Variants in GALNT9 observed in about 807,000 individuals in gnomAD.
GALNT9 encodes the protein GalNAc transferase 9.
GALNT9 carries 47 observed loss-of-function variants against 63.1 expected under a neutral mutation model. That is an observed-to-expected ratio of 0.75 (90% CI 0.59 to 0.95). The LOEUF (loss-of-function observed/expected upper bound fraction) is 0.95, where lower values mean the gene tolerates loss of function less well. Among genes scored for constraint, GALNT9 ranks in the 40% least tolerant of loss-of-function variants. The pLI is 0.00. For synonymous variants in GALNT9, 396 were observed against 365.7 expected (o/e 1.08, Z -0.94); for missense variants, 829 against 874.8 (o/e 0.95, Z 0.66).
At chr12:132,197,675 C>G in intron 10 of GALNT9, 117 bp downstream of exon 10, 1 of 781,720 alleles carries the variant, frequency 1.3e-6, no homozygotes, top group Non-Finnish European at 2.1e-6. Flanking sequence ...CCCCTGACCA[C>G]CCCCTGCCGC....
At chr12:132,202,119 G>C (rs918692602) in intron 7 of GALNT9, among the ~76,000 whole-genome samples, 1 of 152,226 alleles carries the variant, frequency 6.6e-6, no homozygotes, top group African/African-American at 2.4e-5. Context: ...AAGTGGGGAC[G>C]ATCACGCCAG....
intron 1 of GALNT9, among the ~76,000 whole-genome samples, chr12:132,302,269 G>C (rs370130930): frequency 4.6e-4 from 34 of 73,808 alleles, no homozygotes; most frequent in African/African-American, 1.1e-3. Context: ...CACACACACA[G>C]GATCACCTGG....
chr12:132,252,908 G>T lies in GALNT9; in HGVS notation c.959+4781C>A, dbSNP rs1555238711. Among the ~76,000 whole-genome samples, 8 of 151,860 alleles carry T rather than the reference G, an allele frequency of 5.3e-5. No individual in the cohort carries two copies. The highest frequency in any genetic ancestry group is 1.2e-4 in the Non-Finnish European group (8 of 67,962). On this transcript the variant is annotated intron_variant, in intron 5 of 10. Coordinates refer to ENST00000328957, the MANE Select transcript of GALNT9 (RefSeq NM_001122636.2). This position sits in a 1 kb window ranked among gnomAD's most constrained non-coding sequence, Gnocchi z 5.2. ...AAAAAAAAAAAAGACACGGAGACCA[G>T]TAGTGGCCCCGAACGGCTGGGTGCG... is the stretch of plus-strand genomic sequence containing the variant.
chr12:132,324,575 C>T (rs1593127317), intron 1 of GALNT9, among the ~76,000 whole-genome samples: 1 of 152,340 alleles, frequency 6.6e-6, no homozygotes, highest in South Asian at 2.1e-4. Flanking sequence ...TTTGGACTGG[C>T]TCCCCAAGTT....
In GALNT9 at chr12:132,316,224, G is replaced by A. The variant is rs1868502695; in HGVS notation, c.238+12742C>T. On this transcript the variant is annotated intron_variant, in intron 1 of 10. Coordinates refer to ENST00000328957, the MANE Select transcript of GALNT9 (RefSeq NM_001122636.2). This position sits in a 1 kb window ranked among gnomAD's most constrained non-coding sequence, Gnocchi z 4.3. ...AGCAGAGGCATGAAGCTGGATCACA[G>A]TCAGTGCCTGCCCCGGGCCCCGACC... is the stretch of plus-strand genomic sequence containing the variant. Among the ~76,000 whole-genome samples the A allele has an allele frequency of 6.6e-6, 1 of 152,034 alleles. No individual in the cohort carries two copies. Among genetic ancestry groups the A allele is most frequent in the Non-Finnish European group, 1.5e-5 (1 of 68,004 alleles).
Position 132,245,971 on chromosome 12 carries a change from C to G in GALNT9, c.1077+1939G>C, listed in dbSNP as rs1236349666. ...CGGTGGTGGCTGCGCACTGCCGGTC[C>G]CCGGCACCCTCCCCAGGCTGTCCTC... On this transcript the variant is annotated intron_variant, in intron 6 of 10. Coordinates refer to ENST00000328957, the MANE Select transcript of GALNT9 (RefSeq NM_001122636.2). The surrounding 1 kb of genome is among the most constrained non-coding windows in gnomAD (Gnocchi z 6.3). 6.6e-6 allele frequency among the ~76,000 whole-genome samples: 1 copy of G among 152,202 alleles called. No homozygotes were observed.
chr12:132,237,428 C>T (rs1388555072), intron 6 of GALNT9, among the ~76,000 whole-genome samples: 1 of 152,092 alleles, frequency 6.6e-6, no homozygotes, highest in African/African-American at 2.4e-5. Flanking sequence ...CCTACACCTT[C>T]TGACACCTGC....
intron 1 of GALNT9, among the ~76,000 whole-genome samples, chr12:132,302,072 AAGAT>A (rs1241389844): frequency 6.6e-6 from 1 of 152,240 alleles, no homozygotes; most frequent in African/African-American, 2.4e-5. Context: ...CACTGTGTCA[AAGAT>A]AGAGAAATTT....
chr12:132,256,719 A>G (rs1183060805), intron 5 of GALNT9, among the ~76,000 whole-genome samples: 1 of 151,466 alleles, frequency 6.6e-6, no homozygotes, highest in Non-Finnish European at 1.5e-5. Context: ...TCGGGCCTTC[A>G]GAAGGAGCTG....
rs1284919781 is a variant in GALNT9 at position 132,239,563 on chromosome 12, GAGAGACACAGAGAC to G, written c.1077+8333_1077+8346del. 3.8e-4 allele frequency among the ~76,000 whole-genome samples: 57 copies of G among 151,618 alleles called. 1 individual carries two copies. In the South Asian group the frequency reaches 9.2e-3, roughly 25 times the overall value. On this transcript the variant is annotated intron_variant, in intron 6 of 10. Coordinates refer to ENST00000328957, the MANE Select transcript of GALNT9 (RefSeq NM_001122636.2). Reference sequence around the variant, plus strand: ...ACAGAGTCAGAGACAGTCAGAGACAGAGAGACACAGAGACAGAGACACAGAGAGACAGAGAGAGA... The same window carrying G: ...ACAGAGTCAGAGACAGTCAGAGACAGAGAGACACAGAGAGACAGAGAGAGA...
chr12:132,240,746 C>A (rs1412382011), intron 6 of GALNT9: 2 of 455,700 alleles, frequency 4.4e-6, no homozygotes, highest in East Asian at 6.9e-5. Context: ...GTTACCAGAA[C>A]CTGATCACCA....
At chr12:132,203,732 GA>G in intron 6 of GALNT9, 42 bp from the exon 7 acceptor site, 1 of 1,594,858 alleles carries the variant, frequency 6.3e-7, no homozygotes, top group South Asian at 1.1e-5. Flanking sequence ...CTTCCCAACG[GA>G]AGCGGGCAGC....
intron 1 of GALNT9, among the ~76,000 whole-genome samples, chr12:132,299,057 C>A (rs1353315130): frequency 2.7e-5 from 4 of 146,412 alleles, no homozygotes; most frequent in Non-Finnish European, 6.0e-5. Flanking sequence ...ACCTCACCCA[C>A]TCCCACCACA....
In GALNT9 at chr12:132,329,249, T is replaced by TC; in HGVS notation, c.-47dup. 1 of 1,520,836 alleles carries TC rather than the reference T, an allele frequency of 6.6e-7. No individual in the cohort carries two copies. Among genetic ancestry groups the TC allele is most frequent in the African/African-American group, 1.4e-5 (1 of 72,066 alleles). 94.2% of individuals were successfully genotyped at this position (1,520,836 alleles called of 1,614,324 possible). ...CCTCACCCGCGGGGCATCCCCAGCA[T>TC]CCCCGCCCGGGCCTGGGCTTCAGCT... On this transcript the variant is annotated 5_prime_UTR_variant, in exon 1 of 11. The change abolishes the stop of an existing upstream ORF in the 5' untranslated region. Coordinates refer to ENST00000328957, the MANE Select transcript of GALNT9 (RefSeq NM_001122636.2).
At chr12:132,207,930 C>T (rs1044979012) in intron 6 of GALNT9, among the ~76,000 whole-genome samples, 5 of 152,148 alleles carry the variant, frequency 3.3e-5, no homozygotes, top group African/African-American at 4.8e-5. Flanking sequence ...CACGACTCCT[C>T]GCGCAAGCAG....
At chr12:132,328,199 T>C (rs890294151) in intron 1 of GALNT9, among the ~76,000 whole-genome samples, 5 of 152,252 alleles carry the variant, frequency 3.3e-5, no homozygotes, top group South Asian at 2.1e-4. Flanking sequence ...GGCCCTGACC[T>C]GTGGTGATGC....
chr12:132,278,384 G>A (rs1880193647), intron 2 of GALNT9: 1 of 152,274 alleles, frequency 6.6e-6, no homozygotes, highest in Non-Finnish European at 1.5e-5. Context: ...GGAACAGGAG[G>A]CCCCTAACCC....
chr12:132,202,986 G>A (rs559709295), intron 7 of GALNT9, among the ~76,000 whole-genome samples: 21 of 152,318 alleles, frequency 1.4e-4, no homozygotes, highest in African/African-American at 4.3e-4. Flanking sequence ...GGATCCACAC[G>A]AGGGGCCCTT....
chr12:132,321,175 G>A (rs1434614609), intron 1 of GALNT9, among the ~76,000 whole-genome samples: 1 of 151,838 alleles, frequency 6.6e-6, no homozygotes, highest in Non-Finnish European at 1.5e-5. Context: ...GGTGCCTGTG[G>A]GTCCGGAGTC....
Sources: gnomAD v4.1 joint callset for allele counts (sites outside exome capture counted in the v4.1 genomes callset) on GRCh38, gnomAD v4.1.1 for gene constraint, Gnocchi (gnomAD v3.1) non-coding constraint, MANE v1.5 for transcripts, NCBI Gene and HGNC (gene_info 2026-07-23, HGNC 2026-07-21) for gene names.